Variants in PPP4R3B observed in about 807,000 individuals in gnomAD.
PPP4R3B encodes serine/threonine-protein phosphatase 4 regulatory subunit 3B.
A neutral mutation model predicts 95.4 loss-of-function variants in PPP4R3B; 52 were observed. The ratio of observed to expected loss-of-function variants is 0.54; its 90% CI spans 0.44 to 0.69. The LOEUF is 0.69. Among genes scored for constraint, PPP4R3B ranks in the 30% least tolerant of loss-of-function variants. The probability of loss-of-function intolerance (pLI) is 0.00; values close to 1 mark genes in which losing one functional copy is unlikely to be tolerated. For synonymous variants in PPP4R3B, 407 were observed against 343.9 expected (o/e 1.18, Z -2.03); for missense variants, 1,003 against 1,005.9 (o/e 1.00, Z 0.04).
chr2:55,561,009 A>G (rs920442642), intron 15 of PPP4R3B, among the ~76,000 whole-genome samples: 1 of 152,172 alleles, frequency 6.6e-6, no homozygotes, highest in African/African-American at 2.4e-5. Flanking sequence ...AGTAACAAGG[A>G]GCCAAATGTT....
intron 16 of PPP4R3B, among the ~76,000 whole-genome samples, chr2:55,554,639 A>T (rs1421706501): frequency 1.3e-5 from 2 of 152,192 alleles, no homozygotes; most frequent in African/African-American, 4.8e-5. Context: ...TATATTCTGG[A>T]TACCAGTTAC....
At position 55,558,561 on chromosome 2, in the gene PPP4R3B, TCACTCCACTG is replaced by T. The variant is rs1348775817; in HGVS notation, c.2454+204_2454+213del. Among the ~76,000 whole-genome samples, 3 of 152,050 alleles carry T rather than the reference TCACTCCACTG, an allele frequency of 2.0e-5. No homozygotes were observed. The East Asian group carries it at 5.8e-4, about 29-fold the overall frequency. ...AGGCGGAGGTTGCAGTGAGCTGAGA[TCACTCCACTG>T]CACTCCAGCCTGGCGACAGAGTGAG... is the stretch of plus-strand genomic sequence containing the variant. On this transcript the variant is annotated intron_variant, in intron 16 of 16. Coordinates refer to ENST00000616407, the MANE Select transcript of PPP4R3B (RefSeq NM_001122964.3).
At chr2:55,577,904 G>A (rs1402513811) in intron 10 of PPP4R3B, among the ~76,000 whole-genome samples, 3 of 151,948 alleles carry the variant, frequency 2.0e-5, no homozygotes, top group African/African-American at 4.8e-5. Flanking sequence ...CATGTGCACA[G>A]GGAAACACAA....
chr2:55,599,879 T>G (rs892911120), intron 3 of PPP4R3B, among the ~76,000 whole-genome samples: 6 of 152,222 alleles, frequency 3.9e-5, no homozygotes, highest in Non-Finnish European at 8.8e-5. Flanking sequence ...CATTTCTCCA[T>G]CTCACAACTT....
intron 15 of PPP4R3B, among the ~76,000 whole-genome samples, chr2:55,559,247 G>A (rs1028815508): frequency 6.6e-6 from 1 of 152,086 alleles, no homozygotes; most frequent in Non-Finnish European, 1.5e-5. Flanking sequence ...TTGGGAGGCT[G>A]AGGCAGGAGA....
At chr2:55,561,480 C>G (rs1221652655) in intron 15 of PPP4R3B, among the ~76,000 whole-genome samples, 1 of 152,198 alleles carries the variant, frequency 6.6e-6, no homozygotes, top group Admixed American at 6.5e-5. Flanking sequence ...AACAGTAGAT[C>G]TACCAACAGC....
At chr2:55,599,743 C>G (rs10496049) in intron 3 of PPP4R3B, among the ~76,000 whole-genome samples, 13,565 of 152,194 alleles carry the variant, frequency 0.089, 2,063 homozygotes, top group African/African-American at 0.31. Context: ...ATCGTCATCC[C>G]TTACAGCTGC....
At chr2:55,564,590 A>C (rs1446355300) in intron 14 of PPP4R3B, 93 bp from the exon 15 acceptor site, 2 of 1,115,378 alleles carry the variant, frequency 1.8e-6, no homozygotes, top group African/African-American at 3.2e-5. Flanking sequence ...AGATGAACTG[A>C]AGTAATTTTA....
intron 16 of PPP4R3B, among the ~76,000 whole-genome samples, chr2:55,553,330 G>C (rs1173457551): frequency 6.6e-6 from 1 of 152,166 alleles, no homozygotes; most frequent in Non-Finnish European, 1.5e-5. Context: ...TAAGAGACTA[G>C]CTTTGTCTGT....
At chr2:55,599,126 C>A in intron 3 of PPP4R3B, 87 bp from the exon 4 acceptor site, 1 of 1,194,144 alleles carries the variant, frequency 8.4e-7, no homozygotes. Flanking sequence ...AAATGCCTGG[C>A]TAGTCACTAC....
chr2:55,584,975 GT>G, intron 7 of PPP4R3B, 75 bp downstream of exon 7: 1 of 1,090,954 alleles, frequency 9.2e-7, no homozygotes, highest in Non-Finnish European at 1.3e-6. Flanking sequence ...ATTATGTTAT[GT>G]TTTTTCTCTC....
chr2:55,603,085 T>C (rs1172922828), intron 3 of PPP4R3B, among the ~76,000 whole-genome samples: 1 of 152,088 alleles, frequency 6.6e-6, no homozygotes, highest in Non-Finnish European at 1.5e-5. Flanking sequence ...CCCTAGTGGC[T>C]GGGACTACAG....
intron 4 of PPP4R3B, among the ~76,000 whole-genome samples, chr2:55,595,393 G>C (rs2104411324): frequency 6.6e-6 from 1 of 152,048 alleles, no homozygotes; most frequent in East Asian, 2.0e-4. Context: ...ACTTTGGGAG[G>C]GTGAGGAGCA....
rs1558965021 is a variant in PPP4R3B at position 55,568,373 on chromosome 2, A to C, written c.1766-10T>G. The C allele has an allele frequency of 6.3e-7, 1 of 1,586,092 alleles. No homozygotes were observed. Among genetic ancestry groups the C allele is most frequent in the Non-Finnish European group, 8.6e-7 (1 of 1,168,498 alleles). ...ATAAAGCGAAGGGCACCTAATTAAAAATAATATAGGGAATAAGTTAATGAT... is the reference window on the plus strand; with the variant it reads ...ATAAAGCGAAGGGCACCTAATTAAACATAATATAGGGAATAAGTTAATGAT... On this transcript the variant is annotated splice_polypyrimidine_tract_variant and intron_variant, in intron 12 of 16. Coordinates refer to ENST00000616407, the MANE Select transcript of PPP4R3B (RefSeq NM_001122964.3).
chr2:55,575,893 AATAAC>A (rs1688603697), intron 11 of PPP4R3B, among the ~76,000 whole-genome samples: 1 of 152,254 alleles, frequency 6.6e-6, no homozygotes, highest in East Asian at 1.9e-4. Context: ...TTAGCATTGT[AATAAC>A]AGAATGACCA....
chr2:55,607,858 A>C (rs969554260), intron 2 of PPP4R3B, among the ~76,000 whole-genome samples: 1 of 152,222 alleles, frequency 6.6e-6, no homozygotes, highest in African/African-American at 2.4e-5. Flanking sequence ...AACAGAATGA[A>C]ATCCAAAACC....
chr2:55,550,601 T>G (rs1223870903), intron 16 of PPP4R3B, among the ~76,000 whole-genome samples: 1 of 152,150 alleles, frequency 6.6e-6, no homozygotes, highest in Non-Finnish European at 1.5e-5. Flanking sequence ...CAGACCTCTG[T>G]GAAAATCCTA....
chr2:55,557,703 A>T (rs1042015576), intron 16 of PPP4R3B, among the ~76,000 whole-genome samples: 1 of 152,180 alleles, frequency 6.6e-6, no homozygotes, highest in African/African-American at 2.4e-5. Context: ...AACAAGATGC[A>T]TTCCTTTAAT....
chr2:55,557,590 G>A (rs113115143), intron 16 of PPP4R3B, among the ~76,000 whole-genome samples: 3 of 152,062 alleles, frequency 2.0e-5, no homozygotes, highest in Non-Finnish European at 4.4e-5. Context: ...TTCAAATACC[G>A]AATACCATGA....
Sources: allele counts gnomAD v4.1 joint callset (sites outside exome capture counted in the v4.1 genomes callset), GRCh38; gene constraint gnomAD v4.1.1; transcripts MANE v1.5; gene names NCBI Gene and HGNC (gene_info 2026-07-23, HGNC 2026-07-21).